The following MAPKBP1 variants were observed in gnomAD, a reference collection of about 807,000 sequenced individuals.
MAPKBP1 encodes mitogen-activated protein kinase binding protein 1.
MAPKBP1 carries 71 observed loss-of-function variants against 170.5 expected under a neutral mutation model. That is an observed-to-expected ratio of 0.42 (90% CI 0.34 to 0.51). MAPKBP1 has a LOEUF of 0.51. MAPKBP1 is among the 20% of genes least tolerant of loss of function. MAPKBP1 has a pLI of 0.06. For missense variants in MAPKBP1, 1,598 were observed against 1,933.0 expected (o/e 0.83, Z 3.25); for synonymous variants, 719 against 757.9 (o/e 0.95, Z 0.84).
chr15:41,808,912 A>G (rs1056077741), intron 3 of MAPKBP1, among the ~76,000 whole-genome samples: 1 of 152,084 alleles, frequency 6.6e-6, no homozygotes, highest in Admixed American at 6.5e-5. Context: ...CAAAAAATAC[A>G]AAAATTAACT....
Position 41,823,878 on chromosome 15 carries a change from G to T in MAPKBP1, c.4030G>T (p.Gly1344Cys), listed in dbSNP as rs75437827. The T allele has an allele frequency of 6.8e-4, 1,093 of 1,614,124 alleles. 16 individuals are homozygous for T. The East Asian group carries it at 0.022, about 32-fold the overall frequency. ...TGAGAGATGGGCCTGTTTGGGGGAG[G>T]GCACCACTCCCAAGCCTAGGACAGA... ...TTERWACLGEGTTPKPRTECQ... is the reference protein window; with the variant it reads ...TTERWACLGECTTPKPRTECQ... The change falls in exon 29 of 31, where the codon GGC (glycine) becomes TGC (cysteine). Residue 1344 changes from glycine to cysteine, a missense_variant. Physicochemically the swap from Gly to Cys is radical, Grantham distance 159. This residue lies in a region of MAPKBP1 where 942 missense variants were observed against 953.2 expected (regional missense o/e 0.99). Transcript: ENST00000457542.
intron 3 of MAPKBP1, among the ~76,000 whole-genome samples, chr15:41,800,761 T>C (rs2064577816): frequency 6.6e-6 from 1 of 152,120 alleles, no homozygotes; most frequent in Non-Finnish European, 1.5e-5. Flanking sequence ...TAACACTGTA[T>C]TTGGCCTTTT....
At position 41,775,706 on chromosome 15, in the gene MAPKBP1, A is replaced by G. The variant is rs577831218; in HGVS notation, c.114+317A>G. Among the ~76,000 whole-genome samples, 6 of 152,352 alleles carry G rather than the reference A, an allele frequency of 3.9e-5. 1 individual carries two copies. In the South Asian group the frequency reaches 1.0e-3, roughly 26 times the overall value. On this transcript the variant is annotated intron_variant, in intron 2 of 30. Coordinates refer to ENST00000457542, the MANE Select transcript of MAPKBP1 (RefSeq NM_014994.3). ...ATGACTCAGTTTCCCTTCTTGGGAG[A>G]GGACAGTAGGAACACATACCTTGTG...
chr15:41,819,544 T>TGGGGGG, intron 21 of MAPKBP1, 51 bp from the exon 22 acceptor site: 2 of 912,346 alleles, frequency 2.2e-6, no homozygotes, highest in African/African-American at 3.8e-5. Context: ...CAGGGTTGGG[T>TGGGGGG]GGCGGGGGGG....
intron 25 of MAPKBP1, 32 bp from the exon 26 acceptor site, chr15:41,822,193 G>C: frequency 1.2e-6 from 2 of 1,606,904 alleles, no homozygotes; most frequent in Non-Finnish European, 1.7e-6. Context: ...GATGGGTGCA[G>C]TGCGATGCCT....
At chr15:41,776,024 A>T (rs1246532636) in intron 2 of MAPKBP1, among the ~76,000 whole-genome samples, 2 of 152,202 alleles carry the variant, frequency 1.3e-5, no homozygotes, top group Non-Finnish European at 2.9e-5. Context: ...GCCACATCCC[A>T]CTCAGCTGCA....
chr15:41,775,169 C>G lies in MAPKBP1; in HGVS notation c.-107C>G, dbSNP rs968939954. 2.5e-6 allele frequency: 2 copies of G among 794,030 alleles called. No individual in the cohort carries two copies. The highest frequency in any genetic ancestry group is 3.4e-5 in the African/African-American group (2 of 58,710). 49.2% of individuals were successfully genotyped at this position (794,030 alleles called of 1,614,324 possible). On this transcript the variant is annotated splice_region_variant and 5_prime_UTR_variant, in exon 2 of 31. The change creates a premature stop within an existing upstream ORF in the 5' untranslated region. Transcript: ENST00000457542. ...TAAGGTGGCTTCTGCCATCTCAGGT[C>G]AGTGAGAGGGCATACTGGGAAGCCC...
intron 2 of MAPKBP1, among the ~76,000 whole-genome samples, chr15:41,795,283 AAGACTTCAGGAAATT>A (rs1216666671): frequency 6.6e-6 from 1 of 152,206 alleles, no homozygotes; most frequent in Non-Finnish European, 1.5e-5. Context: ...CCTTTGAGCA[AAGACTTCAGGAAATT>A]AGCTTTGTGC....
Position 41,821,044 on chromosome 15 carries a change from C to T in MAPKBP1, c.2694C>T (p.Ala898=). ...GTCCCAGGAAGCATGGGCAGGAGGC[C>T]CTTGAGACTTCACTCACTAGCCAGG... The part of the protein sequence containing the change: ...PSGPRKHGQE[A]LETSLTSQNE... Residue 898 remains alanine, a synonymous_variant, in exon 23 of 31, where the codon GCC becomes GCT. Coordinates refer to ENST00000457542, the MANE Select transcript of MAPKBP1 (RefSeq NM_014994.3). 1 of 1,614,076 alleles carries T rather than the reference C, an allele frequency of 6.2e-7. No homozygotes were observed.
chr15:41,819,544 T>TTGCGG, intron 21 of MAPKBP1, 51 bp from the exon 22 acceptor site: 1 of 912,370 alleles, frequency 1.1e-6, no homozygotes, highest in South Asian at 1.9e-5. Flanking sequence ...CAGGGTTGGG[T>TTGCGG]GGCGGGGGGG....
At chr15:41,792,002 C>A (rs1404053008) in intron 2 of MAPKBP1, among the ~76,000 whole-genome samples, 1 of 151,076 alleles carries the variant, frequency 6.6e-6, no homozygotes, top group Non-Finnish European at 1.5e-5. Flanking sequence ...TTGCTGTCAG[C>A]CGAGATCGTG....
chr15:41,823,401 G>T (rs1223093812), intron 28 of MAPKBP1, 46 bp from the exon 29 acceptor site: 1 of 1,571,460 alleles, frequency 6.4e-7, no homozygotes, highest in East Asian at 2.3e-5. Flanking sequence ...CACCTGGGAT[G>T]CCTTCCTCAA....
intron 27 of MAPKBP1, 124 bp from the exon 28 acceptor site, chr15:41,822,815 C>T: frequency 1.4e-6 from 2 of 1,473,564 alleles, no homozygotes; most frequent in East Asian, 2.3e-5. Context: ...CTGGCCTTTC[C>T]CCAGCCCTAT....
chr15:41,818,449 C>G lies in MAPKBP1; in HGVS notation c.2093-70C>G. 16 of 1,521,274 alleles carry G rather than the reference C, an allele frequency of 1.1e-5. No individual in the cohort carries two copies. Among genetic ancestry groups the G allele is most frequent in the Non-Finnish European group, 1.4e-5 (16 of 1,103,654 alleles). 94.2% of individuals were successfully genotyped at this position (1,521,274 alleles called of 1,614,324 possible). On this transcript the variant is annotated intron_variant, in intron 18 of 30. Transcript: ENST00000457542. The surrounding 1 kb of genome is among the most constrained non-coding windows in gnomAD (Gnocchi z 5.2). ...ACCCTGCAGCCAACCCCCGTGTCCA[C>G]TGTTGGGATGGAGAGGACTTGGTTG... is the stretch of plus-strand genomic sequence containing the variant.
chr15:41,799,477 A>G (rs1231135106), intron 2 of MAPKBP1, among the ~76,000 whole-genome samples: 1 of 152,212 alleles, frequency 6.6e-6, no homozygotes, highest in Admixed American at 6.5e-5. Flanking sequence ...CCAAGAGTCT[A>G]GTCTGGGGAT....
rs1161740173 is a variant in MAPKBP1 at position 41,817,600 on chromosome 15, C to T, written c.1783-14C>T. The T allele has an allele frequency of 6.2e-7, 1 of 1,614,042 alleles. No homozygotes were observed. Among genetic ancestry groups the T allele is most frequent in the Non-Finnish European group, 8.5e-7 (1 of 1,180,032 alleles). ...ATTTGGGTGTGGGCCTGCCCACATG[C>T]TCCACCCCTGCAGTCTGGAGATGGA... On this transcript the variant is annotated splice_polypyrimidine_tract_variant and intron_variant, in intron 15 of 30. Transcript: ENST00000457542. This position sits in a 1 kb window ranked among gnomAD's most constrained non-coding sequence, Gnocchi z 4.2.
rs2064842944 is a variant in MAPKBP1, at chr15:41,813,692, C to T, written c.891C>T (p.Arg297=). ...GTGGCTGTGCTGATGGCACCGTGCGCCTTTTCAACCCCTCTAACCTGCACT... is the reference window on the plus strand; with the variant it reads ...GTGGCTGTGCTGATGGCACCGTGCGTCTTTTCAACCCCTCTAACCTGCACT... ...IFCGCADGTV[R]LFNPSNLHFL... Residue 297 remains arginine (R), a synonymous_variant, in exon 9 of 31, where the codon CGC becomes CGT. Transcript: ENST00000457542. The T allele has an allele frequency of 1.2e-6, 2 of 1,613,936 alleles. No individual in the cohort carries two copies. The highest frequency in any genetic ancestry group is 2.2e-5 in the East Asian group (1 of 44,880).
chr15:41,812,787 T>C, intron 7 of MAPKBP1, 132 bp from the exon 8 acceptor site: 1 of 1,446,876 alleles, frequency 6.9e-7, no homozygotes, highest in Non-Finnish European at 9.2e-7. Flanking sequence ...ATGAGCCAGA[T>C]GCTGTCTGGG....
chr15:41,790,416 A>C (rs2064375657), intron 2 of MAPKBP1, among the ~76,000 whole-genome samples: 1 of 152,114 alleles, frequency 6.6e-6, no homozygotes. Context: ...CTGTTGTTAC[A>C]TGAAAAAAAC....
Sources: gnomAD v4.1 joint callset for allele counts (sites outside exome capture counted in the v4.1 genomes callset) on GRCh38, gnomAD v4.1.1 for gene constraint, gnomAD v4.1.1 regional missense constraint, Gnocchi (gnomAD v3.1) non-coding constraint, MANE v1.5 for transcripts, NCBI Gene and HGNC (gene_info 2026-07-23, HGNC 2026-07-21) for gene names.